HTR2A: variants seen among roughly 807,000 people sequenced by gnomAD.
HTR2A encodes the protein 5-hydroxytryptamine receptor 2A.
HTR2A carries 14 observed loss-of-function variants against 31.0 expected under a neutral mutation model. The ratio of observed to expected loss-of-function variants is 0.45; its 90% CI spans 0.30 to 0.71. The LOEUF is 0.71. Ranked by LOEUF, HTR2A falls within the 30% of genes least tolerant of loss-of-function variation. HTR2A has a pLI of 0.09. For synonymous variants in HTR2A, 209 were observed against 225.2 expected (o/e 0.93, Z 0.64); for missense variants, 442 against 573.3 (o/e 0.77, Z 2.34).
At chr13:46,894,376 G>A (rs570618609) in intron 2 of HTR2A, among the ~76,000 whole-genome samples, 2 of 152,336 alleles carry the variant, frequency 1.3e-5, no homozygotes, top group East Asian at 3.9e-4. Flanking sequence ...TGGGAAGCGA[G>A]AATCTTCCCC....
At chr13:46,847,699 G>A (rs184134123) in intron 3 of HTR2A, among the ~76,000 whole-genome samples, 93 of 152,136 alleles carry the variant, frequency 6.1e-4, no homozygotes, top group Non-Finnish European at 4.4e-4. Context: ...CACTGTTCTC[G>A]TCCTGATCAG....
intron 3 of HTR2A, among the ~76,000 whole-genome samples, chr13:46,870,117 A>G (rs1355252985): frequency 6.6e-6 from 1 of 152,144 alleles, no homozygotes; most frequent in Non-Finnish European, 1.5e-5. Flanking sequence ...TGAATTCTAA[A>G]CTGGTCAAAT....
intron 3 of HTR2A, among the ~76,000 whole-genome samples, chr13:46,864,973 T>C (rs1210677633): frequency 6.6e-6 from 1 of 152,146 alleles, no homozygotes; most frequent in Non-Finnish European, 1.5e-5. Context: ...GATGATTTTG[T>C]CTTTAAATTT....
intron 3 of HTR2A, among the ~76,000 whole-genome samples, chr13:46,880,220 A>G (rs1364359991): frequency 6.6e-6 from 1 of 152,200 alleles, no homozygotes; most frequent in Non-Finnish European, 1.5e-5. Context: ...GGAGTAGGAT[A>G]CTAGGACACA....
At chr13:46,836,240 A>G (rs985952161) in intron 3 of HTR2A, among the ~76,000 whole-genome samples, 5 of 151,950 alleles carry the variant, frequency 3.3e-5, no homozygotes, top group South Asian at 2.1e-4. Context: ...AAAAATAACT[A>G]TAAAATTTTA....
chr13:46,860,732 T>G (rs1950772866), intron 3 of HTR2A, among the ~76,000 whole-genome samples: 1 of 152,180 alleles, frequency 6.6e-6, no homozygotes, highest in African/African-American at 2.4e-5. Context: ...AAAGTGGCCA[T>G]TAACAGCCAT....
chr13:46,892,305 T>C, intron 3 of HTR2A, 85 bp downstream of exon 3: 1 of 1,275,916 alleles, frequency 7.8e-7, no homozygotes, highest in South Asian at 1.2e-5. Context: ...GGATGTCAGG[T>C]TTCAGTACAA....
intron 3 of HTR2A, among the ~76,000 whole-genome samples, chr13:46,867,028 A>G (rs893937166): frequency 6.6e-6 from 1 of 152,188 alleles, no homozygotes; most frequent in African/African-American, 2.4e-5. Context: ...CTCTGTCTCA[A>G]AAAGTGATAA....
intron 3 of HTR2A, among the ~76,000 whole-genome samples, chr13:46,870,116 A>T (rs1367679029): frequency 6.6e-6 from 1 of 152,174 alleles, no homozygotes; most frequent in Non-Finnish European, 1.5e-5. Context: ...ATGAATTCTA[A>T]ACTGGTCAAA....
intron 3 of HTR2A, among the ~76,000 whole-genome samples, chr13:46,860,321 T>C (rs1427164010): frequency 6.6e-6 from 1 of 152,188 alleles, no homozygotes; most frequent in African/African-American, 2.4e-5. Flanking sequence ...TAGAGTAACA[T>C]AGGAAAAGAT....
chr13:46,836,582 G>A (rs1876459800), intron 3 of HTR2A, among the ~76,000 whole-genome samples: 1 of 151,950 alleles, frequency 6.6e-6, no homozygotes, highest in East Asian at 1.9e-4. Flanking sequence ...TTTATTATGG[G>A]ACATTTTTAA....
At position 46,892,571 on chromosome 13, in the gene HTR2A, C is replaced by T. The variant is rs756173983; in HGVS notation, c.432G>A (p.Pro144=). The T allele has an allele frequency of 2.7e-5, 44 of 1,614,014 alleles. No individual in the cohort carries two copies. The Admixed American group carries it at 5.2e-4, about 19-fold the overall frequency. The change falls in exon 3 of 4, where the codon CCG becomes CCA. Residue 144 remains proline, a synonymous_variant. Transcript: ENST00000542664. Reference sequence around the variant, plus strand: ...AAATCCAGACTGCACAAAGCTTGCTCGGCAGAGGCCACCGGTACCCTATGA... The same window carrying T: ...AAATCCAGACTGCACAAAGCTTGCTTGGCAGAGGCCACCGGTACCCTATGA... ...TILYGYRWPL[P]SKLCAVWIYL...
At chr13:46,881,146 T>G (rs1418994497) in intron 3 of HTR2A, among the ~76,000 whole-genome samples, 1 of 152,226 alleles carries the variant, frequency 6.6e-6, no homozygotes, top group East Asian at 1.9e-4. Context: ...CGTATTGTGC[T>G]TCTAAGTATG....
intron 3 of HTR2A, among the ~76,000 whole-genome samples, chr13:46,853,774 C>T (rs538932369): frequency 2.0e-5 from 3 of 152,306 alleles, no homozygotes; most frequent in South Asian, 4.1e-4. Context: ...CTCAGCTCTC[C>T]TCCATCTAAA....
chr13:46,867,465 T>C (rs1405713229), intron 3 of HTR2A, among the ~76,000 whole-genome samples: 3 of 152,254 alleles, frequency 2.0e-5, no homozygotes, highest in African/African-American at 7.2e-5. Context: ...GTAGCAATAT[T>C]ATGAGATAGC....
chr13:46,853,712 G>A (rs1288355161), intron 3 of HTR2A, among the ~76,000 whole-genome samples: 2 of 152,086 alleles, frequency 1.3e-5, no homozygotes, highest in East Asian at 3.9e-4. Context: ...CCCCTGTCCA[G>A]GGTAGCGTGG....
At position 46,845,594 on chromosome 13, in the gene HTR2A, G is replaced by C. The variant is rs193221630; in HGVS notation, c.614-9955C>G. The stretch of plus-strand genomic sequence containing the variant: ...GGGAAGGTGGTTGAGTCTATAATCA[G>C]TTACTTTACAATCTAACACCTTCAC... On this transcript the variant is annotated intron_variant, in intron 3 of 3. Transcript: ENST00000542664. Among the ~76,000 whole-genome samples, 4 of 137,226 alleles carry C rather than the reference G, an allele frequency of 2.9e-5. No homozygotes were observed. The East Asian group carries it at 8.7e-4, about 30-fold the overall frequency. 90.0% of individuals were successfully genotyped at this position (137,226 alleles called of 152,430 possible).
In HTR2A at chr13:46,832,713, T is replaced by C. The variant is rs1876290871; in HGVS notation, c.*2124A>G. On this transcript the variant is annotated 3_prime_UTR_variant, in exon 4 of 4. Coordinates refer to ENST00000542664, the MANE Select transcript of HTR2A (RefSeq NM_000621.5). ...ATTATACATTCTATCTTTGAAACAG[T>C]GAACCATCTTTCAACATATCTATGA... 1 of 152,198 alleles carries C rather than the reference T, an allele frequency of 6.6e-6. No individual in the cohort carries two copies. Among genetic ancestry groups the C allele is most frequent in the Non-Finnish European group, 1.5e-5 (1 of 68,022 alleles). 9.4% of individuals were successfully genotyped at this position (152,198 alleles called of 1,614,324 possible).
intron 3 of HTR2A, among the ~76,000 whole-genome samples, chr13:46,838,967 G>GACAC (rs1235268895): frequency 1.8e-3 from 253 of 136,884 alleles, no homozygotes; most frequent in African/African-American, 7.4e-3. Context: ...TCTTTGGTTG[G>GACAC]ACACACACAT....
Sources: gnomAD v4.1 joint callset for allele counts (sites outside exome capture counted in the v4.1 genomes callset) on GRCh38, gnomAD v4.1.1 for gene constraint, MANE v1.5 for transcripts, NCBI Gene and HGNC (gene_info 2026-07-23, HGNC 2026-07-21) for gene names.